NTSR1: variants seen among roughly 807,000 people sequenced by gnomAD.
The protein encoded by NTSR1 is neurotensin receptor type 1.
In NTSR1, 29 loss-of-function variants were observed where a neutral mutation model predicts 31.2. The observed-to-expected ratio is 0.93, with a 90% CI of 0.69 to 1.27. The LOEUF (loss-of-function observed/expected upper bound fraction) is 1.27. NTSR1 is among the 50% of genes most tolerant of loss of function. NTSR1 has a pLI of 0.00. For missense variants in NTSR1, 697 were observed against 595.4 expected (o/e 1.17, Z -1.78); for synonymous variants, 282 against 269.9 (o/e 1.04, Z -0.44).
intron 1 of NTSR1, among the ~76,000 whole-genome samples, chr20:62,738,072 C>G (rs1224219881): frequency 1.3e-5 from 2 of 152,088 alleles, no homozygotes; most frequent in Admixed American, 1.3e-4. Flanking sequence ...CTGCCCCCCT[C>G]CCCCTCCTCT....
rs1989290242 is a variant in NTSR1 at position 62,745,800 on chromosome 20, C to T, written c.715-8885C>T. Among the ~76,000 whole-genome samples the T allele has an allele frequency of 6.6e-6, 1 of 152,256 alleles. No individual in the cohort carries two copies. The highest frequency in any genetic ancestry group is 6.5e-5 in the Admixed American group (1 of 15,292). On this transcript the variant is annotated intron_variant, in intron 1 of 3. Transcript: ENST00000370501. This position sits in a 1 kb window ranked among gnomAD's most constrained non-coding sequence, Gnocchi z 4.1. ...TCCCTGCTGTTGGCCATGACCCTCC[C>T]CTGCTGCTTGGAATTGCAAAGCCAG...
At chr20:62,737,387 G>A (rs1989115088) in intron 1 of NTSR1, among the ~76,000 whole-genome samples, 1 of 152,156 alleles carries the variant, frequency 6.6e-6, no homozygotes, top group African/African-American at 2.4e-5. Flanking sequence ...CCCACCCTAG[G>A]ATGCGTGTCC....
chr20:62,717,136 G>A (rs921764944), intron 1 of NTSR1, among the ~76,000 whole-genome samples: 5 of 151,554 alleles, frequency 3.3e-5, no homozygotes, highest in African/African-American at 1.2e-4. Flanking sequence ...CAAAAGCATT[G>A]CCAGTGGGGC....
At position 62,745,040 on chromosome 20, in the gene NTSR1, G is replaced by T. The variant is rs1989274958; in HGVS notation, c.715-9645G>T. Reference sequence around the variant, plus strand: ...AGCAGACACCCCTGTCTCCCACCATGACCTTCTGCTCTGGAACATCCACCC... The same window carrying T: ...AGCAGACACCCCTGTCTCCCACCATTACCTTCTGCTCTGGAACATCCACCC... On this transcript the variant is annotated intron_variant, in intron 1 of 3. Transcript: ENST00000370501. This position sits in a 1 kb window ranked among gnomAD's most constrained non-coding sequence, Gnocchi z 4.1. 6.6e-6 allele frequency among the ~76,000 whole-genome samples: 1 copy of T among 152,124 alleles called. No individual in the cohort carries two copies. Among genetic ancestry groups the T allele is most frequent in the South Asian group, 2.1e-4 (1 of 4,828 alleles).
chr20:62,754,852 G>T lies in NTSR1; in HGVS notation c.882G>T (p.Arg294Ser). 6.2e-7 allele frequency: 1 copy of T among 1,606,274 alleles called. No individual in the cohort carries two copies. The highest frequency in any genetic ancestry group is 1.3e-5 in the African/African-American group (1 of 74,976). Residue 294 changes from arginine (R) to serine (S), a missense_variant, in exon 2 of 4, where the codon AGG (arginine) becomes AGT (serine). Transcript: ENST00000370501. The part of the protein sequence containing the change: ...STFSMAIEPG[R>S]VQALRHGVRV... Reference sequence around the variant, plus strand: ...TCAGCATGGCCATCGAGCCTGGCAGGGTCCAGGCCCTGCGGCACGGCGTGC... The same window carrying T: ...TCAGCATGGCCATCGAGCCTGGCAGTGTCCAGGCCCTGCGGCACGGCGTGC...
In NTSR1 at chr20:62,715,776, A is replaced by T. The variant is rs1204726243; in HGVS notation, c.714+5855A>T. Among the ~76,000 whole-genome samples, 1 of 152,158 alleles carries T rather than the reference A, an allele frequency of 6.6e-6. No homozygotes were observed. The highest frequency in any genetic ancestry group is 6.5e-5 in the Admixed American group (1 of 15,290). The stretch of plus-strand genomic sequence containing the variant: ...TACAGCCACCCTGTGCTTGCCAAGA[A>T]CCACCACAAGCCACCCCACAGGTGA... On this transcript the variant is annotated intron_variant, in intron 1 of 3. Transcript: ENST00000370501. The surrounding 1 kb of genome is among the most constrained non-coding windows in gnomAD (Gnocchi z 4.7).
At position 62,709,805 on chromosome 20, in the gene NTSR1, G is replaced by GC; in HGVS notation, c.599dup (p.Val201GlyfsTer132). 6.2e-7 allele frequency: 1 copy of GC among 1,612,806 alleles called. No individual in the cohort carries two copies. Among genetic ancestry groups the GC allele is most frequent in the Non-Finnish European group, 8.5e-7 (1 of 1,179,908 alleles). ...CATCTGGCTCGCCTCGGCCCTGCTG[G>GC]CGGTGCCTATGCTGTTCACCATGGG... On this transcript the variant is annotated frameshift_variant, in exon 1 of 4. Coordinates refer to ENST00000370501, the MANE Select transcript of NTSR1 (RefSeq NM_002531.3). LOFTEE classifies it high-confidence loss of function.
At chr20:62,734,220 C>T (rs1047040629) in intron 1 of NTSR1, among the ~76,000 whole-genome samples, 1 of 150,386 alleles carries the variant, frequency 6.6e-6, no homozygotes, top group African/African-American at 2.5e-5. Context: ...AGAGATGGGG[C>T]GTGAGGGGCG....
chr20:62,719,113 T>A (rs1988786513), intron 1 of NTSR1, among the ~76,000 whole-genome samples: 1 of 103,892 alleles, frequency 9.6e-6, no homozygotes, highest in Non-Finnish European at 2.1e-5. Context: ...CAGTCCCTTT[T>A]TTTTTCTTTC....
Position 62,711,427 on chromosome 20 carries a change from C to G in NTSR1, c.714+1506C>G, listed in dbSNP as rs1988610554. 6.6e-6 allele frequency among the ~76,000 whole-genome samples: 1 copy of G among 152,180 alleles called. No homozygotes were observed. The highest frequency in any genetic ancestry group is 2.1e-4 in the South Asian group (1 of 4,832). The stretch of plus-strand genomic sequence containing the variant: ...TTGATTGGCATTGGCCAGGGGGAAC[C>G]TCTCCCCAGTCCGCGTGGAGGGGCC... On this transcript the variant is annotated intron_variant, in intron 1 of 3. Transcript: ENST00000370501. This position sits in a 1 kb window ranked among gnomAD's most constrained non-coding sequence, Gnocchi z 6.4.
Position 62,715,244 on chromosome 20 carries a change from C to T in NTSR1, c.714+5323C>T, listed in dbSNP as rs962353185. On this transcript the variant is annotated intron_variant, in intron 1 of 3. Coordinates refer to ENST00000370501, the MANE Select transcript of NTSR1 (RefSeq NM_002531.3). This position sits in a 1 kb window ranked among gnomAD's most constrained non-coding sequence, Gnocchi z 4.7. ...GTGAGAGGGCAGGACAGGGAGGTGA[C>T]CTTGGCCTTGTTCCAGGCACCAGAC... Among the ~76,000 whole-genome samples the T allele has an allele frequency of 2.0e-5, 3 of 152,192 alleles. No individual in the cohort carries two copies. The highest frequency in any genetic ancestry group is 6.5e-5 in the Admixed American group (1 of 15,272).
At chr20:62,726,494 C>A (rs576302832) in intron 1 of NTSR1, among the ~76,000 whole-genome samples, 21 of 152,332 alleles carry the variant, frequency 1.4e-4, no homozygotes, top group Non-Finnish European at 1.5e-4. Flanking sequence ...TGCCTGCCCA[C>A]CGGTCCCCAG....
chr20:62,714,247 C>T lies in NTSR1; in HGVS notation c.714+4326C>T, dbSNP rs752044527. ...GCGGCCACAGTGTCCTCACCTGCAG[C>T]GCAGGGCATAGAGGGCTGTTGGTGT... On this transcript the variant is annotated intron_variant, in intron 1 of 3. Coordinates refer to ENST00000370501, the MANE Select transcript of NTSR1 (RefSeq NM_002531.3). The surrounding 1 kb of genome is among the most constrained non-coding windows in gnomAD (Gnocchi z 4.1). Among the ~76,000 whole-genome samples, 28 of 152,228 alleles carry T rather than the reference C, an allele frequency of 1.8e-4. No individual in the cohort carries two copies. Among genetic ancestry groups the T allele is most frequent in the Non-Finnish European group, 2.6e-4 (18 of 68,038 alleles).
chr20:62,746,413 G>A (rs920432834), intron 1 of NTSR1, among the ~76,000 whole-genome samples: 4 of 152,230 alleles, frequency 2.6e-5, no homozygotes, highest in African/African-American at 9.6e-5. Flanking sequence ...ACTGCAGGTG[G>A]TTCTTTCAGT....
rs1989222006 is a variant in NTSR1, at chr20:62,742,459, G to A, written c.715-12226G>A. Among the ~76,000 whole-genome samples, 3 of 149,712 alleles carry A rather than the reference G, an allele frequency of 2.0e-5. No individual in the cohort carries two copies. In the South Asian group the frequency reaches 6.3e-4, roughly 31 times the overall value. ...CCAGCAGCATCTCGAGCCGGGCCTG[G>A]TACTGCTTAGATGCCTGGGAGGGAG... On this transcript the variant is annotated intron_variant, in intron 1 of 3. Coordinates refer to ENST00000370501, the MANE Select transcript of NTSR1 (RefSeq NM_002531.3). This position sits in a 1 kb window ranked among gnomAD's most constrained non-coding sequence, Gnocchi z 7.1.
At chr20:62,734,520 C>T (rs57071929) in intron 1 of NTSR1, among the ~76,000 whole-genome samples, 15,984 of 152,158 alleles carry the variant, frequency 0.11, 2,023 homozygotes, top group East Asian at 0.31. Flanking sequence ...CCTGGAGGCT[C>T]TGGGTTCTCT....
intron 2 of NTSR1, among the ~76,000 whole-genome samples, chr20:62,757,329 T>A (rs1219121212): frequency 2.0e-5 from 3 of 152,234 alleles, no homozygotes; most frequent in Admixed American, 2.0e-4. Flanking sequence ...TAGACTGTCC[T>A]TTCCCCACTG....
intron 1 of NTSR1, among the ~76,000 whole-genome samples, chr20:62,749,343 A>C (rs1398432954): frequency 6.6e-6 from 1 of 152,138 alleles, no homozygotes. Context: ...CGAGAGCCTG[A>C]AATTGTACCC....
At chr20:62,725,039 CT>C (rs544649500) in intron 1 of NTSR1, among the ~76,000 whole-genome samples, 78 of 152,364 alleles carry the variant, frequency 5.1e-4, no homozygotes, top group Non-Finnish European at 6.8e-4. Flanking sequence ...CTTTTCGGGG[CT>C]ACCAATTACT....
Sources: allele counts gnomAD v4.1 joint callset (sites outside exome capture counted in the v4.1 genomes callset), GRCh38; gene constraint gnomAD v4.1.1; non-coding constraint Gnocchi (gnomAD v3.1); transcripts MANE v1.5; gene names NCBI Gene and HGNC (gene_info 2026-07-23, HGNC 2026-07-21).